PLCXD2: variants seen among roughly 807,000 people sequenced by gnomAD.
PLCXD2 encodes PI-PLC X domain-containing protein 2.
In PLCXD2, 21 loss-of-function variants were observed where a neutral mutation model predicts 28.6. The ratio of observed to expected loss-of-function variants is 0.73; its 90% CI spans 0.52 to 1.06. The LOEUF (loss-of-function observed/expected upper bound fraction) is 1.06, where lower values mean the gene tolerates loss of function less well. Ranked by LOEUF, PLCXD2 falls within the 50% of genes least tolerant of loss-of-function variation. The pLI, the probability that PLCXD2 is intolerant of heterozygous loss-of-function variation, is 0.00. For missense variants in PLCXD2, 369 were observed against 376.7 expected (o/e 0.98, Z 0.17); for synonymous variants, 140 against 150.1 (o/e 0.93, Z 0.49).
chr3:111,704,771 C>T (rs1437554878), intron 1 of PLCXD2, among the ~76,000 whole-genome samples: 2 of 151,948 alleles, frequency 1.3e-5, no homozygotes, highest in African/African-American at 4.8e-5. Flanking sequence ...CATATTCATC[C>T]TACAGTGCTG....
intron 1 of PLCXD2, among the ~76,000 whole-genome samples, chr3:111,698,938 TCC>T (rs1394861833): frequency 6.6e-6 from 1 of 152,158 alleles, no homozygotes; most frequent in Admixed American, 6.5e-5. Flanking sequence ...GATTTTTCAC[TCC>T]CTAAGAACAA....
chr3:111,687,409 T>C (rs1244247296), intron 1 of PLCXD2, among the ~76,000 whole-genome samples: 2 of 152,216 alleles, frequency 1.3e-5, no homozygotes, highest in African/African-American at 4.8e-5. Flanking sequence ...TTTTTTGTTT[T>C]CTTAGACAAG....
intron 2 of PLCXD2, among the ~76,000 whole-genome samples, chr3:111,709,184 T>G (rs929938063): frequency 6.6e-5 from 10 of 152,168 alleles, no homozygotes; most frequent in African/African-American, 2.4e-4. Flanking sequence ...GGCAGATATT[T>G]TTTAACTCAA....
chr3:111,712,163 C>T (rs1483221129), intron 2 of PLCXD2, among the ~76,000 whole-genome samples: 2 of 152,172 alleles, frequency 1.3e-5, no homozygotes, highest in Non-Finnish European at 1.5e-5. Context: ...GAAATTCTCC[C>T]TGTAACCTTT....
chr3:111,723,759 T>G (rs1394896586), intron 3 of PLCXD2: 1 of 152,126 alleles, frequency 6.6e-6, no homozygotes, highest in Non-Finnish European at 1.5e-5. Context: ...GGAAAACAGA[T>G]TTTAGGTTCA....
intron 1 of PLCXD2, among the ~76,000 whole-genome samples, chr3:111,687,466 T>C (rs1327279211): frequency 1.3e-5 from 2 of 152,252 alleles, no homozygotes; most frequent in Non-Finnish European, 2.9e-5. Context: ...TATGTATTAA[T>C]AACTTTGTAA....
intron 1 of PLCXD2, among the ~76,000 whole-genome samples, chr3:111,676,100 G>T (rs998594447): frequency 9.2e-5 from 14 of 152,138 alleles, no homozygotes; most frequent in Non-Finnish European, 1.2e-4. Context: ...CTCTGCCGGA[G>T]GTTTTATGCC....
At chr3:111,680,457 T>C (rs750918265) in intron 1 of PLCXD2, among the ~76,000 whole-genome samples, 6 of 148,132 alleles carry the variant, frequency 4.1e-5, no homozygotes, top group Non-Finnish European at 9.0e-5. Flanking sequence ...GACTCAATCA[T>C]GAAAAAAAAA....
intron 2 of PLCXD2, among the ~76,000 whole-genome samples, chr3:111,709,989 T>G (rs1941178012): frequency 6.6e-6 from 1 of 152,132 alleles, no homozygotes; most frequent in East Asian, 1.9e-4. Flanking sequence ...TAGTGGCAAG[T>G]GGTCAGATTT....
intron 1 of PLCXD2, among the ~76,000 whole-genome samples, chr3:111,704,112 T>C (rs1320782863): frequency 1.3e-5 from 2 of 152,236 alleles, no homozygotes; most frequent in African/African-American, 4.8e-5. Context: ...TTGTATTATA[T>C]GTGAAATACC....
intron 3 of PLCXD2, chr3:111,725,613 A>G (rs1344362198): frequency 5.0e-6 from 2 of 398,496 alleles, no homozygotes; most frequent in East Asian, 7.1e-5. Flanking sequence ...TTCTCAAAAT[A>G]TCACAGTCTT....
chr3:111,691,315 T>G (rs78953510), intron 1 of PLCXD2: 1 of 152,212 alleles, frequency 6.6e-6, no homozygotes, highest in African/African-American at 2.4e-5. Flanking sequence ...ATTCTTAAGA[T>G]AGAAGAGACC....
At chr3:111,683,858 T>C (rs2107841032) in intron 1 of PLCXD2, among the ~76,000 whole-genome samples, 1 of 152,130 alleles carries the variant, frequency 6.6e-6, no homozygotes, top group Non-Finnish European at 1.5e-5. Context: ...ACACAGAAAT[T>C]AGCCCTCAGG....
Position 111,708,393 on chromosome 3 carries a change from G to C in PLCXD2, c.624+7G>C. The C allele has an allele frequency of 6.2e-7, 1 of 1,608,906 alleles. No homozygotes were observed. The highest frequency in any genetic ancestry group is 8.5e-7 in the Non-Finnish European group (1 of 1,177,168). ...GTGGGAGAAGAACTGCCAGGTAGGA[G>C]GGAAGGAGAGATAAGCTTCCAAGAG... is the stretch of plus-strand genomic sequence containing the variant. On this transcript the variant is annotated splice_region_variant and intron_variant, in intron 2 of 4. Coordinates refer to ENST00000477665, the MANE Select transcript of PLCXD2 (RefSeq NM_001185106.1).
chr3:111,707,058 C>T (rs1941129826), intron 1 of PLCXD2, among the ~76,000 whole-genome samples: 1 of 152,162 alleles, frequency 6.6e-6, no homozygotes, highest in African/African-American at 2.4e-5. Flanking sequence ...CAGACTTAAT[C>T]TGCACTATAG....
At chr3:111,680,046 A>T (rs1293590527) in intron 1 of PLCXD2, among the ~76,000 whole-genome samples, 2 of 152,116 alleles carry the variant, frequency 1.3e-5, no homozygotes, top group African/African-American at 4.8e-5. Flanking sequence ...CTCTGATCTC[A>T]TGTTGCTAGT....
intron 1 of PLCXD2, among the ~76,000 whole-genome samples, chr3:111,688,473 A>C (rs1940827795): frequency 6.6e-6 from 1 of 152,224 alleles, no homozygotes. Flanking sequence ...TACCACACAA[A>C]GTACTGCTAA....
chr3:111,714,875 G>T (rs1941248210), intron 3 of PLCXD2, among the ~76,000 whole-genome samples: 1 of 152,184 alleles, frequency 6.6e-6, no homozygotes, highest in Middle Eastern at 3.2e-3. Flanking sequence ...AATACATTTG[G>T]ATAACAGGGA....
chr3:111,684,079 C>A (rs558324887), intron 1 of PLCXD2, among the ~76,000 whole-genome samples: 5 of 152,264 alleles, frequency 3.3e-5, no homozygotes, highest in African/African-American at 9.6e-5. Flanking sequence ...CACCTGTAAT[C>A]TCAGCAATTT....
Sources: gnomAD v4.1 joint callset for allele counts (sites outside exome capture counted in the v4.1 genomes callset) on GRCh38, gnomAD v4.1.1 for gene constraint, MANE v1.5 for transcripts, NCBI Gene and HGNC (gene_info 2026-07-23, HGNC 2026-07-21) for gene names.